The following C5 variants were observed in gnomAD, a reference collection of about 807,000 sequenced individuals.
C5 encodes the protein C3 and PZP-like alpha-2-macroglobulin domain-containing protein 4.
C5 carries 140 observed loss-of-function variants against 218.8 expected under a neutral mutation model. The ratio of observed to expected loss-of-function variants is 0.64; its 90% confidence interval spans 0.56 to 0.74. The LOEUF (loss-of-function observed/expected upper bound fraction) is 0.74, where lower values mean the gene tolerates loss of function less well. C5 is among the 30% of genes least tolerant of loss of function. C5 has a pLI of 0.00. For synonymous variants in C5, 614 were observed against 682.3 expected (o/e 0.90, Z 1.56); for missense variants, 1,700 against 1,969.6 (o/e 0.86, Z 2.59).
intron 28 of C5, chr9:120,979,478 G>A (rs994985513): frequency 6.6e-6 from 1 of 152,456 alleles, no homozygotes; most frequent in Non-Finnish European, 1.5e-5. Flanking sequence ...TGATGGCCTG[G>A]ATTTTGGGGA....
chr9:121,030,460 T>G lies in C5; in HGVS notation c.695A>C (p.Glu232Ala). 1 of 1,548,864 alleles carries G rather than the reference T, an allele frequency of 6.5e-7. No individual in the cohort carries two copies. Among genetic ancestry groups the G allele is most frequent in the South Asian group, 1.2e-5 (1 of 83,040 alleles). ...GTAACCAATGAAATTATATTCTGGC[T>G]CGATTGAGACAGAAAAATGTGGCAA... ...YVLPHFSVSI[E>A]PEYNFIGYKN... The change falls in exon 7 of 41, where the codon GAG becomes GCG. Residue 232 changes from glutamate (E) to alanine (A), a missense_variant. By Grantham distance (107) the Glu-to-Ala change is moderately radical. Coordinates refer to ENST00000223642, the MANE Select transcript of C5 (RefSeq NM_001735.3).
chr9:121,009,137 G>GA (rs1173317853), intron 17 of C5, among the ~76,000 whole-genome samples: 16 of 151,944 alleles, frequency 1.1e-4, no homozygotes, highest in Admixed American at 9.8e-4. Flanking sequence ...GTTTATATTA[G>GA]AAAAAAGGAG....
intron 7 of C5, among the ~76,000 whole-genome samples, chr9:121,027,774 A>G (rs1327776700): frequency 6.6e-6 from 1 of 152,260 alleles, no homozygotes; most frequent in Non-Finnish European, 1.5e-5. Context: ...CATTCAGGAC[A>G]TAGGCATGGG....
intron 1 of C5, among the ~76,000 whole-genome samples, chr9:121,046,675 T>C (rs1037817089): frequency 6.6e-6 from 1 of 152,174 alleles, no homozygotes; most frequent in African/African-American, 2.4e-5. Flanking sequence ...TTTAATCATG[T>C]TGACCAGAAC....
chr9:120,989,484 A>G (rs964852006), intron 24 of C5, 84 bp downstream of exon 24: 4 of 905,864 alleles, frequency 4.4e-6, no homozygotes, highest in African/African-American at 3.4e-5. Flanking sequence ...AAAGTTTTCT[A>G]TAATTCACAA....
rs2047212208 is a variant in C5 at position 121,005,934 on chromosome 9, C to T, written c.2547G>A (p.Arg849=). Residue 849 remains arginine, a synonymous_variant, in exon 20 of 41, where the codon AGG becomes AGA. Transcript: ENST00000223642. ...ACCTACTTACCTGCATCCCAGAAGTCCTATAGTTGTAAACAGTTCCTTTCA... is the reference window on the plus strand; with the variant it reads ...ACCTACTTACCTGCATCCCAGAAGTTCTATAGTTGTAAACAGTTCCTTTCA... The part of the protein sequence containing the change: ...IQLKGTVYNY[R]TSGMQFCVKM... 6.2e-7 allele frequency: 1 copy of T among 1,613,444 alleles called. No individual in the cohort carries two copies. The highest frequency in any genetic ancestry group is 1.7e-5 in the Admixed American group (1 of 60,006).
At chr9:120,987,787 T>A (rs1198128711) in intron 25 of C5, among the ~76,000 whole-genome samples, 1 of 151,920 alleles carries the variant, frequency 6.6e-6, no homozygotes, top group African/African-American at 2.4e-5. Context: ...GATGGTTTTT[T>A]TGTTTTGTTT....
At chr9:121,025,898 C>T (rs1474736266) in intron 8 of C5, 2 of 232,994 alleles carry the variant, frequency 8.6e-6, no homozygotes, top group African/African-American at 4.6e-5. Flanking sequence ...GTACTTCCGC[C>T]CTTAACTGAG....
At chr9:121,065,073 AAAT>A in the C5 span, among the ~76,000 whole-genome samples, 7 of 63,960 alleles carry the variant, frequency 1.1e-4, no homozygotes, top group East Asian at 2.2e-3. Context: ...CCATCTAAAA[AAAT>A]ATATATATAT....
chr9:121,002,321 T>C (rs1211078664), intron 20 of C5, among the ~76,000 whole-genome samples: 3 of 109,906 alleles, frequency 2.7e-5, no homozygotes, highest in African/African-American at 4.0e-5. Context: ...TGTGTGTATA[T>C]ATATATATAT....
At chr9:121,060,386 T>C in the C5 span, among the ~76,000 whole-genome samples, 1 of 152,244 alleles carries the variant, frequency 6.6e-6, no homozygotes, top group Non-Finnish European at 1.5e-5. Context: ...TTCCTTGAGA[T>C]AACAGCTGCT....
intron 24 of C5, 107 bp downstream of exon 24, chr9:120,989,461 A>G (rs2047059247): frequency 1.3e-6 from 1 of 786,188 alleles, no homozygotes; most frequent in Non-Finnish European, 2.0e-6. Context: ...TTTTTTTGCT[A>G]AAATTCTCTT....
At chr9:121,045,409 G>T (rs1435918361) in intron 2 of C5, among the ~76,000 whole-genome samples, 1 of 151,832 alleles carries the variant, frequency 6.6e-6, no homozygotes, top group Non-Finnish European at 1.5e-5. Flanking sequence ...TATGATTTTT[G>T]TATAATTAAA....
In C5 at chr9:120,980,585, A is replaced by C. The variant is rs41311927; in HGVS notation, c.3487-331T>G. ...AGAAAAGGCACCGAGCATAGACACA[A>C]TTTCTTTTTTTTTCTTTTTTTTTGA... On this transcript the variant is annotated intron_variant, in intron 27 of 40. Coordinates refer to ENST00000223642, the MANE Select transcript of C5 (RefSeq NM_001735.3). Among the ~76,000 whole-genome samples, 1,309 of 152,024 alleles carry C rather than the reference A, an allele frequency of 8.6e-3. 14 individuals are homozygous for C. The highest frequency in any genetic ancestry group is 0.03 in the African/African-American group (1,227 of 41,478).
chr9:121,006,096 G>A, intron 19 of C5, 38 bp from the exon 20 acceptor site: 1 of 1,607,306 alleles, frequency 6.2e-7, no homozygotes, highest in South Asian at 1.1e-5. Flanking sequence ...AATCATATTA[G>A]GAAATTCCTA....
At chr9:121,005,780 A>C in intron 20 of C5, 139 bp downstream of exon 20, 1 of 785,448 alleles carries the variant, frequency 1.3e-6, no homozygotes, top group Non-Finnish European at 2.1e-6. Context: ...ATATAGTACA[A>C]TGCTCATTTT....
At chr9:121,018,744 AG>A (rs749385395) in intron 12 of C5, among the ~76,000 whole-genome samples, 5,407 of 73,310 alleles carry the variant, frequency 0.074, 354 homozygotes, top group African/African-American at 0.19. Context: ...AAGGAAGGAA[AG>A]GAAGGAAGGA....
the C5 span, among the ~76,000 whole-genome samples, chr9:121,073,373 G>T: frequency 2.6e-5 from 4 of 152,230 alleles, no homozygotes; most frequent in Middle Eastern, 0.014. Flanking sequence ...TCTTTTGGGC[G>T]TAGAAAGAAG....
intron 27 of C5, among the ~76,000 whole-genome samples, 186 bp downstream of exon 27, chr9:120,981,658 G>T (rs1447997425): frequency 6.6e-6 from 1 of 152,176 alleles, no homozygotes; most frequent in East Asian, 1.9e-4. Flanking sequence ...GAGTAGGTTG[G>T]ACTAGGTGGT....
Sources: gnomAD v4.1 joint callset for allele counts (sites outside exome capture counted in the v4.1 genomes callset) on GRCh38, gnomAD v4.1.1 for gene constraint, MANE v1.5 for transcripts, NCBI Gene and HGNC (gene_info 2026-07-23, HGNC 2026-07-21) for gene names.